The following FMNL3 variants were observed in gnomAD, a reference collection of about 807,000 sequenced individuals.
The protein encoded by FMNL3 is formin like 3.
Under a neutral mutation model 119.6 loss-of-function variants are expected in FMNL3, and 57 were observed. The ratio of observed to expected loss-of-function variants is 0.48; its 90% CI spans 0.39 to 0.59. The LOEUF is 0.59. Among genes scored for constraint, FMNL3 ranks in the 20% least tolerant of loss-of-function variants. The pLI is 0.00. For synonymous variants in FMNL3, 491 were observed against 507.3 expected (o/e 0.97, Z 0.43); for missense variants, 1,053 against 1,323.5 (o/e 0.80, Z 3.17).
chr12:49,660,083 G>A (rs1943689067), intron 5 of FMNL3: 1 of 359,234 alleles, frequency 2.8e-6, no homozygotes, highest in Non-Finnish European at 3.9e-6. Context: ...GGAACCTCCT[G>A]ACAGGGAAAC....
intron 1 of FMNL3, among the ~76,000 whole-genome samples, chr12:49,679,966 C>T (rs932442934): frequency 1.3e-5 from 2 of 152,222 alleles, no homozygotes; most frequent in African/African-American, 2.4e-5. Flanking sequence ...CCTTCAATTG[C>T]AAGATTTCAT....
At position 49,637,923 on chromosome 12, in the gene FMNL3, G is replaced by T; in HGVS notation, c.*7892C>A. ...AGTCCTGTTTTGCAGAAGCATTACA[G>T]CTTGGTTCAGCAGATATCTACTGTG... On this transcript the variant is annotated 3_prime_UTR_variant, in exon 26 of 26. Coordinates refer to ENST00000335154, the MANE Select transcript of FMNL3 (RefSeq NM_175736.5). 2 of 944,184 alleles carry T rather than the reference G, an allele frequency of 2.1e-6. No individual in the cohort carries two copies. The highest frequency in any genetic ancestry group is 3.0e-5 in the South Asian group (2 of 67,032). 58.5% of individuals were successfully genotyped at this position (944,184 alleles called of 1,614,324 possible).
At chr12:49,668,056 A>G (rs1943938762) in intron 2 of FMNL3, among the ~76,000 whole-genome samples, 1 of 152,236 alleles carries the variant, frequency 6.6e-6, no homozygotes, top group Non-Finnish European at 1.5e-5. Flanking sequence ...TGGGAACAAA[A>G]GACTAGAGTC....
Position 49,637,569 on chromosome 12 carries a change from A to G in FMNL3, c.*8246T>C, listed in dbSNP as rs1422979867. 1 of 1,613,562 alleles carries G rather than the reference A, an allele frequency of 6.2e-7. No homozygotes were observed. Among genetic ancestry groups the G allele is most frequent in the African/African-American group, 1.3e-5 (1 of 74,888 alleles). ...CAGCACTGATGTCCGCTTTGCCAACATGCTGGGCCAGCCGGGTAAGGCAGC... is the reference window on the plus strand; with the variant it reads ...CAGCACTGATGTCCGCTTTGCCAACGTGCTGGGCCAGCCGGGTAAGGCAGC... On this transcript the variant is annotated 3_prime_UTR_variant, in exon 26 of 26. Coordinates refer to ENST00000335154, the MANE Select transcript of FMNL3 (RefSeq NM_175736.5).
At chr12:49,660,077 C>A in intron 5 of FMNL3, 1 of 415,204 alleles carries the variant, frequency 2.4e-6, no homozygotes, top group Non-Finnish European at 3.2e-6. Context: ...ATCAGAGGAA[C>A]CTCCTGACAG....
In FMNL3 at chr12:49,643,439, C is replaced by T; in HGVS notation, c.*2376G>A. 6.6e-7 allele frequency: 1 copy of T among 1,525,418 alleles called. No homozygotes were observed. Among genetic ancestry groups the T allele is most frequent in the Non-Finnish European group, 8.8e-7 (1 of 1,139,002 alleles). The allele number at this position is 1,525,418 out of a possible 1,614,324, so 94.5% of individuals were successfully genotyped here. On this transcript the variant is annotated 3_prime_UTR_variant, in exon 26 of 26. Transcript: ENST00000335154. The stretch of plus-strand genomic sequence containing the variant: ...AGCGTAGAAGCTGGAGAACTGTTGT[C>T]CCAGACTGAGAGGATGCCCTCCACA...
chr12:49,647,691 T>C lies in FMNL3; in HGVS notation c.2778+12A>G. The C allele has an allele frequency of 6.2e-7, 1 of 1,611,836 alleles. No individual in the cohort carries two copies. The highest frequency in any genetic ancestry group is 1.1e-5 in the South Asian group (1 of 90,974). ...CGCAACCAAACTTCTTAAAAAGCTC[T>C]CTGCAGCTTACCTTGTAAGAACGAA... is the stretch of plus-strand genomic sequence containing the variant. On this transcript the variant is annotated intron_variant, in intron 23 of 25. Coordinates refer to ENST00000335154, the MANE Select transcript of FMNL3 (RefSeq NM_175736.5). This position sits in a 1 kb window ranked among gnomAD's most constrained non-coding sequence, Gnocchi z 4.9.
intron 1 of FMNL3, among the ~76,000 whole-genome samples, chr12:49,706,772 G>C (rs1257009385): frequency 1.3e-5 from 2 of 152,176 alleles, no homozygotes; most frequent in African/African-American, 4.8e-5. Flanking sequence ...GCAGCAGAAG[G>C]GGGAGGAAGA....
In FMNL3 at chr12:49,665,475, GT is replaced by G. The variant is rs1465667170; in HGVS notation, c.368+356del. Among the ~76,000 whole-genome samples, 8 of 152,188 alleles carry G rather than the reference GT, an allele frequency of 5.3e-5. No individual in the cohort carries two copies. In the East Asian group the frequency reaches 1.5e-3, roughly 29 times the overall value. On this transcript the variant is annotated intron_variant, in intron 4 of 25. Coordinates refer to ENST00000335154, the MANE Select transcript of FMNL3 (RefSeq NM_175736.5). ...AGGTCTCAGCTACCCAATATAGTAT[GT>G]TCTCCCCACCCTCAGCCTTCTCTGA...
In FMNL3 at chr12:49,654,394, T is replaced by C. The variant is rs1321624294; in HGVS notation, c.961-92A>G. The C allele has an allele frequency of 5.2e-6, 5 of 952,604 alleles. No individual in the cohort carries two copies. The African/African-American group carries it at 6.5e-5, about 12-fold the overall frequency. The allele number at this position is 952,604 out of a possible 1,614,324, so 59.0% of individuals were successfully genotyped here. A position where few individuals can be genotyped will look rare whatever the true frequency, so the allele number is the denominator to read the frequency against. On this transcript the variant is annotated intron_variant, in intron 10 of 25. Transcript: ENST00000335154. Reference sequence around the variant, plus strand: ...ATAGGCGGCTGTTAGAATATCATCATCATGTGGATAATTACAGGGAGTCAA... The same window carrying C: ...ATAGGCGGCTGTTAGAATATCATCACCATGTGGATAATTACAGGGAGTCAA...
chr12:49,661,257 G>C (rs976366808), intron 5 of FMNL3, among the ~76,000 whole-genome samples: 16 of 152,228 alleles, frequency 1.1e-4, no homozygotes, highest in Admixed American at 8.5e-4. Context: ...TTTAACACAC[G>C]TTATCATCTA....
chr12:49,686,425 CA>C (rs1944461151), intron 1 of FMNL3, among the ~76,000 whole-genome samples: 1 of 150,746 alleles, frequency 6.6e-6, no homozygotes, highest in African/African-American at 2.4e-5. Context: ...ACTAAAAATA[CA>C]AAAAAATTAG....
intron 25 of FMNL3, 56 bp from the exon 26 acceptor site, chr12:49,645,959 C>T (rs951684342): frequency 6.6e-7 from 1 of 1,504,462 alleles, no homozygotes; most frequent in Middle Eastern, 1.8e-4. Flanking sequence ...CAGGACAGTG[C>T]CCTCAAGAGC....
rs571075075 is a variant in FMNL3 at position 49,654,424 on chromosome 12, A to G, written c.961-122T>C. Reference sequence around the variant, plus strand: ...TGGATAATTACAGGGAGTCAATTAAAGAGTTAAGTCTTTATGGGGGCAATA... The same window carrying G: ...TGGATAATTACAGGGAGTCAATTAAGGAGTTAAGTCTTTATGGGGGCAATA... On this transcript the variant is annotated intron_variant, in intron 10 of 25. Transcript: ENST00000335154. 9 of 710,624 alleles carry G rather than the reference A, an allele frequency of 1.3e-5. No homozygotes were observed. In the East Asian group the frequency reaches 2.4e-4, roughly 19 times the overall value. The allele number at this position is 710,624 out of a possible 1,614,324, so 44.0% of individuals were successfully genotyped here. A position where few individuals can be genotyped will look rare whatever the true frequency, so the allele number is the denominator to read the frequency against.
At chr12:49,666,228 T>A (rs1943887381) in intron 2 of FMNL3, 21 bp from the exon 3 acceptor site, 3 of 1,604,688 alleles carry the variant, frequency 1.9e-6, no homozygotes, top group Non-Finnish European at 2.6e-6. Context: ...AACATGCATA[T>A]GCGTATCCAC....
intron 1 of FMNL3, 39 bp downstream of exon 1, chr12:49,707,016 G>A: frequency 6.4e-7 from 1 of 1,552,466 alleles, no homozygotes; most frequent in Non-Finnish European, 8.7e-7. Context: ...GGGACCTGAG[G>A]GGCGGTACGC....
chr12:49,672,415 C>T (rs1414012464), intron 1 of FMNL3, among the ~76,000 whole-genome samples: 1 of 152,128 alleles, frequency 6.6e-6, no homozygotes, highest in Non-Finnish European at 1.5e-5. Context: ...ACTCTGGGAC[C>T]GATTCCTAAA....
Position 49,661,976 on chromosome 12 carries a change from A to T in FMNL3, c.442T>A (p.Cys148Ser), listed in dbSNP as rs1943747556. The change falls in exon 5 of 26, where the codon TGT becomes AGT. Residue 148 changes from cysteine (C) to serine (S), a missense_variant. This residue lies in a region of FMNL3 where 264 missense variants were observed against 265.5 expected (regional missense o/e 0.99). Coordinates refer to ENST00000335154, the MANE Select transcript of FMNL3 (RefSeq NM_175736.5). Reference protein sequence around the residue: ...VLVDYLSFAQCSVMFDFEGLE... With the variant: ...VLVDYLSFAQSSVMFDFEGLE... ...CGGGGTGGTACTCACATGACAGAACACTGGGCAAAGGACAGGTAATCCACC... is the reference window on the plus strand; with the variant it reads ...CGGGGTGGTACTCACATGACAGAACTCTGGGCAAAGGACAGGTAATCCACC... 3 of 1,614,144 alleles carry T rather than the reference A, an allele frequency of 1.9e-6. No individual in the cohort carries two copies. Among genetic ancestry groups the T allele is most frequent in the Non-Finnish European group, 2.5e-6 (3 of 1,180,012 alleles).
At position 49,676,388 on chromosome 12, in the gene FMNL3, G is replaced by A. The variant is rs539699578; in HGVS notation, c.127-7834C>T. ...GCTAGTTGGAATATAGACAGTGGAC[G>A]AACCTTCAACAACTATTTTAGACCA... On this transcript the variant is annotated intron_variant, in intron 1 of 25. Transcript: ENST00000335154. Among the ~76,000 whole-genome samples, 320 of 152,206 alleles carry A rather than the reference G, an allele frequency of 2.1e-3. 1 individual carries two copies. Among genetic ancestry groups the A allele is most frequent in the Admixed American group, 4.6e-3 (70 of 15,288 alleles).
Sources: allele counts gnomAD v4.1 joint callset (sites outside exome capture counted in the v4.1 genomes callset), GRCh38; gene constraint gnomAD v4.1.1; regional missense constraint gnomAD v4.1.1; non-coding constraint Gnocchi (gnomAD v3.1); transcripts MANE v1.5; gene names NCBI Gene and HGNC (gene_info 2026-07-23, HGNC 2026-07-21).